Variants in WNT2B observed in about 807,000 individuals in gnomAD.
WNT2B encodes protein Wnt-2b.
A neutral mutation model predicts 40.5 loss-of-function variants in WNT2B; 19 were observed. The observed-to-expected ratio is 0.47, with a 90% confidence interval of 0.33 to 0.69. The LOEUF is 0.69. WNT2B is among the 30% of genes least tolerant of loss of function. The probability of loss-of-function intolerance (pLI) is 0.02; values close to 1 mark genes in which losing one functional copy is unlikely to be tolerated. For synonymous variants in WNT2B, 220 were observed against 211.9 expected (o/e 1.04, Z -0.33); for missense variants, 467 against 556.4 (o/e 0.84, Z 1.62).
intron 1 of WNT2B, among the ~76,000 whole-genome samples, chr1:112,500,835 T>C (rs1027950151): frequency 6.6e-6 from 1 of 152,172 alleles, no homozygotes; most frequent in African/African-American, 2.4e-5. Context: ...ATTGCAAAGA[T>C]AGTACAAAGT....
At chr1:112,497,966 A>G (rs558510696) in intron 1 of WNT2B, among the ~76,000 whole-genome samples, 73 of 151,052 alleles carry the variant, frequency 4.8e-4, no homozygotes, top group African/African-American at 1.7e-3. Flanking sequence ...CAGGTTTGTT[A>G]TATAGGTATA....
intron 1 of WNT2B, among the ~76,000 whole-genome samples, chr1:112,497,191 G>A (rs571903062): frequency 1.3e-5 from 2 of 152,116 alleles, no homozygotes; most frequent in African/African-American, 4.8e-5. Flanking sequence ...ATGCCTCAAC[G>A]GGTCTGAGGT....
At chr1:112,511,676 G>C (rs1449562432) in intron 1 of WNT2B, among the ~76,000 whole-genome samples, 1 of 152,146 alleles carries the variant, frequency 6.6e-6, no homozygotes, top group Non-Finnish European at 1.5e-5. Flanking sequence ...CAAGAAATAG[G>C]GAGCTTCCGG....
Position 112,516,354 on chromosome 1 carries a change from G to A in WNT2B, c.618G>A (p.Lys206=), listed in dbSNP as rs754045781. 1.9e-6 allele frequency: 3 copies of A among 1,613,938 alleles called. No individual in the cohort carries two copies. In the Admixed American group the frequency reaches 5.0e-5, roughly 27 times the overall value. Residue 206 remains lysine (K), a synonymous_variant, in exon 3 of 5, where the codon AAG becomes AAA. Coordinates refer to ENST00000369684, the MANE Select transcript of WNT2B (RefSeq NM_024494.3). The part of the protein sequence containing the change: ...VRFAKAFVDA[K]EKRLKDARAL... ...TTGCCAAGGCCTTCGTGGATGCCAAGGAGAAGAGGCTTAAGGATGCCCGGG... is the reference window on the plus strand; with the variant it reads ...TTGCCAAGGCCTTCGTGGATGCCAAAGAGAAGAGGCTTAAGGATGCCCGGG...
intron 1 of WNT2B, among the ~76,000 whole-genome samples, chr1:112,489,231 T>C (rs1015901390): frequency 2.7e-5 from 4 of 148,222 alleles, no homozygotes; most frequent in African/African-American, 7.8e-5. Flanking sequence ...CAAGGACAGA[T>C]TTTTTTTTAA....
chr1:112,509,824 C>A lies in WNT2B; in HGVS notation c.182+380C>A, dbSNP rs1294538181. On this transcript the variant is annotated intron_variant, in intron 1 of 4. Transcript: ENST00000369684. The surrounding 1 kb of genome is among the most constrained non-coding windows in gnomAD (Gnocchi z 4.2). ...GCAATAGCTTCGCCAGGGCCCCAATCGCCTAAGGTCGCCCTCTGAGAGGTG... is the reference window on the plus strand; with the variant it reads ...GCAATAGCTTCGCCAGGGCCCCAATAGCCTAAGGTCGCCCTCTGAGAGGTG... Among the ~76,000 whole-genome samples the A allele has an allele frequency of 1.3e-5, 2 of 152,212 alleles. No homozygotes were observed. Among genetic ancestry groups the A allele is most frequent in the Non-Finnish European group, 2.9e-5 (2 of 68,042 alleles).
upstream of WNT2B, among the ~76,000 whole-genome samples, chr1:112,505,499 G>T (rs1557917368): frequency 6.6e-6 from 1 of 152,172 alleles, no homozygotes; most frequent in Non-Finnish European, 1.5e-5. Context: ...CCTCCCTCTG[G>T]CTCCCAGAAC....
At chr1:112,470,719 A>T (rs1650855507) in intron 1 of WNT2B, among the ~76,000 whole-genome samples, 4 of 152,184 alleles carry the variant, frequency 2.6e-5, no homozygotes, top group Admixed American at 6.5e-5. Context: ...CAGGCCCCAG[A>T]CAGTCAGCTC....
intron 1 of WNT2B, among the ~76,000 whole-genome samples, chr1:112,474,516 C>A (rs1650998311): frequency 6.6e-6 from 1 of 152,130 alleles, no homozygotes; most frequent in Non-Finnish European, 1.5e-5. Flanking sequence ...CATAAAAGAA[C>A]ATGAGATTTC....
Position 112,514,902 on chromosome 1 carries a change from A to ATC in WNT2B, c.213_214dup (p.Cys72SerfsTer9). On this transcript the variant is annotated frameshift_variant, in exon 2 of 5. Transcript: ENST00000369684. LOFTEE classifies it high-confidence loss of function. ...CATTGGGGCACTGGGGGCACGAGTG[A>ATC]TCTGTGACAATATCCCTGGTTTGGT... is the stretch of plus-strand genomic sequence containing the variant. The ATC allele has an allele frequency of 1.2e-6, 2 of 1,614,204 alleles. No homozygotes were observed. The highest frequency in any genetic ancestry group is 1.7e-6 in the Non-Finnish European group (2 of 1,180,028).
At chr1:112,477,354 C>G (rs959402426) in intron 1 of WNT2B, among the ~76,000 whole-genome samples, 1 of 152,194 alleles carries the variant, frequency 6.6e-6, no homozygotes, top group African/African-American at 2.4e-5. Context: ...ACACCCAACT[C>G]AGACAGCATC....
In WNT2B at chr1:112,486,386, T is replaced by C. The variant is rs911783895; in HGVS notation, c.-95+18795T>C. ...TGAGCTTCAGAGGCAATGGTTGCAA[T>C]GAGCCAAGGTCACACCACTGCACTC... On this transcript the variant is annotated intron_variant, in intron 1 of 4. Transcript: ENST00000256640. Among the ~76,000 whole-genome samples the C allele has an allele frequency of 3.9e-5, 6 of 152,122 alleles. No individual in the cohort carries two copies. In the East Asian group the frequency reaches 7.7e-4, roughly 20 times the overall value.
At chr1:112,476,325 A>G (rs1355789688) in intron 1 of WNT2B, among the ~76,000 whole-genome samples, 7 of 152,202 alleles carry the variant, frequency 4.6e-5, no homozygotes, top group Non-Finnish European at 7.3e-5. Flanking sequence ...CTAAATGCCT[A>G]TATTAAAAAA....
At chr1:112,476,158 C>T in intron 1 of WNT2B, among the ~76,000 whole-genome samples, 1 of 151,886 alleles carries the variant, frequency 6.6e-6, no homozygotes. Flanking sequence ...CTGGGATATC[C>T]CTAAATATTT....
chr1:112,506,493 C>G (rs1652109692), upstream of WNT2B, among the ~76,000 whole-genome samples: 1 of 152,198 alleles, frequency 6.6e-6, no homozygotes, highest in Admixed American at 6.5e-5. Context: ...TCCACCAACC[C>G]CAGGCCCTGT....
At chr1:112,513,962 T>A (rs1056133232) in intron 1 of WNT2B, among the ~76,000 whole-genome samples, 1 of 152,184 alleles carries the variant, frequency 6.6e-6, no homozygotes, top group African/African-American at 2.4e-5. Context: ...ATATTCTTCC[T>A]GAGGCTTGTG....
At chr1:112,484,285 A>ATATG (rs1651341613) in intron 1 of WNT2B, among the ~76,000 whole-genome samples, 6 of 137,220 alleles carry the variant, frequency 4.4e-5, no homozygotes, top group Non-Finnish European at 9.5e-5. Context: ...ATATATATAT[A>ATATG]TATATACACA....
intron 1 of WNT2B, among the ~76,000 whole-genome samples, chr1:112,480,884 A>G (rs749170709): frequency 1.3e-5 from 2 of 152,100 alleles, no homozygotes; most frequent in Non-Finnish European, 2.9e-5. Flanking sequence ...ATTATACACC[A>G]TAGGCCGGGC....
At chr1:112,492,859 G>A (rs1651643373) in intron 1 of WNT2B, among the ~76,000 whole-genome samples, 1 of 152,138 alleles carries the variant, frequency 6.6e-6, no homozygotes, top group South Asian at 2.1e-4. Context: ...AGAGGCACAG[G>A]CTCACTAAAT....
Sources: gnomAD v4.1 joint callset for allele counts (sites outside exome capture counted in the v4.1 genomes callset) on GRCh38, gnomAD v4.1.1 for gene constraint, Gnocchi (gnomAD v3.1) non-coding constraint, MANE v1.5 for transcripts, NCBI Gene and HGNC (gene_info 2026-07-23, HGNC 2026-07-21) for gene names.